Variants in SND1 observed in about 807,000 individuals in gnomAD.
The protein encoded by SND1 is staphylococcal nuclease and tudor domain containing 1, also known as staphylococcal nuclease domain-containing protein 1.
Under a neutral mutation model 121.7 loss-of-function variants are expected in SND1, and 38 were observed. That is an observed-to-expected ratio of 0.31 (90% confidence interval 0.24 to 0.41). SND1 has a LOEUF of 0.41. Among genes scored for constraint, SND1 ranks in the 10% least tolerant of loss-of-function variants. SND1 has a pLI of 1.00. For synonymous variants in SND1, 401 were observed against 447.4 expected, an observed-to-expected ratio of 0.90 and a Z score of 1.31; for missense variants, 868 against 1,184.6, an observed-to-expected ratio of 0.73 and a Z score of 3.92.
intron 10 of SND1, among the ~76,000 whole-genome samples, chr7:127,747,450 TTGGGTATTGAAGGACCTTTCTGTGAGGA>T (rs1390464302): frequency 6.6e-6 from 1 of 152,234 alleles, no homozygotes; most frequent in Non-Finnish European, 1.5e-5. Context: ...GGAATTGGCA[TTGGGTATTGAAGGACCTTTCTGTGAGGA>T]TGAGTTCTCT....
intron 11 of SND1, among the ~76,000 whole-genome samples, chr7:127,809,362 C>T (rs1798293889): frequency 6.6e-6 from 1 of 152,190 alleles, no homozygotes; most frequent in Non-Finnish European, 1.5e-5. Flanking sequence ...GAGTAGGATG[C>T]AACTCAGCTC....
chr7:127,782,179 C>T (rs1167868221), intron 10 of SND1, among the ~76,000 whole-genome samples: 1 of 152,138 alleles, frequency 6.6e-6, no homozygotes, highest in Non-Finnish European at 1.5e-5. Context: ...ATTGTCTCTC[C>T]CAAGCAGGGG....
intron 11 of SND1, among the ~76,000 whole-genome samples, chr7:127,809,756 T>C (rs766143206): frequency 1.3e-5 from 2 of 152,172 alleles, no homozygotes; most frequent in Non-Finnish European, 2.9e-5. Context: ...AATATGACAA[T>C]TTTGAGGAGT....
intron 12 of SND1, among the ~76,000 whole-genome samples, chr7:127,882,473 A>T (rs1799812543): frequency 6.6e-6 from 1 of 150,674 alleles, no homozygotes; most frequent in South Asian, 2.1e-4. Context: ...GAGGAGAGGA[A>T]TTTAATTATT....
At chr7:128,069,799 C>A (rs181081856) in intron 16 of SND1, among the ~76,000 whole-genome samples, 1 of 152,268 alleles carries the variant, frequency 6.6e-6, no homozygotes, top group East Asian at 1.9e-4. Context: ...ACTTAAGTGG[C>A]ACCCCAGAAT....
At chr7:127,658,922 A>G (rs1245108723) in intron 1 of SND1, among the ~76,000 whole-genome samples, 1 of 152,278 alleles carries the variant, frequency 6.6e-6, no homozygotes, top group East Asian at 1.9e-4. Context: ...ACTTCTCAGC[A>G]TAGGCTAGCT....
At position 128,043,585 on chromosome 7, in the gene SND1, T is replaced by A. The variant is rs185455523; in HGVS notation, c.1780-30917T>A. ...AGACTCCATCTCAAAAAATAAATTT[T>A]TATATATATATATAAATTTATATAT... is the stretch of plus-strand genomic sequence containing the variant. On this transcript the variant is annotated intron_variant, in intron 16 of 23. Coordinates refer to ENST00000354725, the MANE Select transcript of SND1 (RefSeq NM_014390.4). Among the ~76,000 whole-genome samples the A allele has an allele frequency of 1.8e-3, 266 of 149,860 alleles. 1 individual carries two copies. The East Asian group carries it at 0.025, about 14-fold the overall frequency.
chr7:127,858,275 T>C, intron 12 of SND1: 2 of 819,598 alleles, frequency 2.4e-6, no homozygotes, highest in Non-Finnish European at 4.1e-6. Flanking sequence ...GGAGAGCCGG[T>C]CCGGGCACTG....
chr7:127,772,401 G>A (rs751056480), intron 10 of SND1, among the ~76,000 whole-genome samples: 3 of 152,168 alleles, frequency 2.0e-5, no homozygotes, highest in Non-Finnish European at 4.4e-5. Flanking sequence ...GTCCTAGAGA[G>A]ATGCTTCTTT....
At position 128,085,239 on chromosome 7, in the gene SND1, G is replaced by A. The variant is rs1034846425; in HGVS notation, c.2234+392G>A. 3.3e-5 allele frequency among the ~76,000 whole-genome samples: 5 copies of A among 152,168 alleles called. No homozygotes were observed. The highest frequency in any genetic ancestry group is 7.4e-5 in the Non-Finnish European group (5 of 68,020). Reference sequence around the variant, plus strand: ...ACCAGCTGCCCGACCCTCTTCCCCGGCTGTCTAGGACATGAGCAGCAGTGC... The same window carrying A: ...ACCAGCTGCCCGACCCTCTTCCCCGACTGTCTAGGACATGAGCAGCAGTGC... On this transcript the variant is annotated intron_variant, in intron 19 of 23. Transcript: ENST00000354725. The surrounding 1 kb of genome is among the most constrained non-coding windows in gnomAD (Gnocchi z 4.4).
intron 11 of SND1, among the ~76,000 whole-genome samples, chr7:127,813,237 A>G (rs1191297067): frequency 6.6e-6 from 1 of 152,186 alleles, no homozygotes; most frequent in East Asian, 1.9e-4. Flanking sequence ...CATGCATTGG[A>G]GACCATGTTT....
At chr7:128,035,514 A>T (rs1792732085) in intron 16 of SND1, among the ~76,000 whole-genome samples, 1 of 152,252 alleles carries the variant, frequency 6.6e-6, no homozygotes, top group African/African-American at 2.4e-5. Flanking sequence ...CACTTTACAG[A>T]TGTCACTGAT....
At chr7:127,896,125 TA>T (rs1800114067) in intron 13 of SND1, among the ~76,000 whole-genome samples, 1 of 152,092 alleles carries the variant, frequency 6.6e-6, no homozygotes, top group Non-Finnish European at 1.5e-5. Flanking sequence ...GACATTGTTC[TA>T]GGCTAAACTT....
intron 15 of SND1, among the ~76,000 whole-genome samples, chr7:127,940,411 G>A (rs145006313): frequency 6.6e-6 from 1 of 152,294 alleles, no homozygotes; most frequent in African/African-American, 2.4e-5. Flanking sequence ...CCCTGTGGGG[G>A]AGTCCATTTG....
chr7:128,028,607 C>T, intron 16 of SND1: 1 of 1,417,380 alleles, frequency 7.1e-7, no homozygotes, highest in Non-Finnish European at 9.6e-7. Flanking sequence ...AAAGTCTCTC[C>T]CCACTCTGTA....
At chr7:127,761,738 T>G (rs1223769914) in intron 10 of SND1, among the ~76,000 whole-genome samples, 1 of 152,222 alleles carries the variant, frequency 6.6e-6, no homozygotes, top group Non-Finnish European at 1.5e-5. Context: ...TTCCTTCCTC[T>G]GCCAAAAGCA....
chr7:127,745,519 A>G (rs1195949736), intron 10 of SND1, among the ~76,000 whole-genome samples: 1 of 152,134 alleles, frequency 6.6e-6, no homozygotes, highest in Non-Finnish European at 1.5e-5. Context: ...TTTTATTTTC[A>G]GAATTCTACT....
At chr7:127,852,321 C>T (rs1036430113) in intron 12 of SND1, among the ~76,000 whole-genome samples, 9 of 146,378 alleles carry the variant, frequency 6.1e-5, no homozygotes, top group African/African-American at 1.8e-4. Context: ...TGATGAAACC[C>T]CATCTCTACT....
chr7:127,897,981 A>G (rs1438141022), intron 13 of SND1, among the ~76,000 whole-genome samples: 1 of 152,104 alleles, frequency 6.6e-6, no homozygotes, highest in Non-Finnish European at 1.5e-5. Flanking sequence ...TATCCTCTCA[A>G]GAAGACTTTA....
Sources: allele counts gnomAD v4.1 joint callset (sites outside exome capture counted in the v4.1 genomes callset), GRCh38; gene constraint gnomAD v4.1.1; non-coding constraint Gnocchi (gnomAD v3.1); transcripts MANE v1.5; gene names NCBI Gene and HGNC (gene_info 2026-07-23, HGNC 2026-07-21).